The following KCNIP4 variants were observed in gnomAD, a reference collection of about 807,000 sequenced individuals.
The protein encoded by KCNIP4 is potassium voltage-gated channel interacting protein 4, also known as Kv channel-interacting protein 4.
In KCNIP4, 12 loss-of-function variants were observed where a neutral mutation model predicts 34.0. That is an observed-to-expected ratio of 0.35 (90% CI 0.23 to 0.57). The LOEUF (loss-of-function observed/expected upper bound fraction) is 0.57, where lower values mean the gene tolerates loss of function less well. KCNIP4 is among the 20% of genes least tolerant of loss of function. KCNIP4 has a pLI of 0.83. For synonymous variants in KCNIP4, 124 were observed against 102.2 expected (o/e 1.21, Z -1.29); for missense variants, 238 against 311.7 (o/e 0.76, Z 1.78).
At chr4:21,779,227 T>C (rs1719417643) in intron 1 of KCNIP4, among the ~76,000 whole-genome samples, 1 of 152,110 alleles carries the variant, frequency 6.6e-6, no homozygotes. Context: ...AAACTTGCAG[T>C]GGTAATTCTG....
chr4:21,303,889 AAGCCCTTCCAAG>A, intron 1 of KCNIP4: 1 of 1,614,086 alleles, frequency 6.2e-7, no homozygotes, highest in Non-Finnish European at 8.5e-7. Flanking sequence ...CTATCATTTC[AAGCCCTTCCAAG>A]TTCATGGTCA....
intron 1 of KCNIP4, among the ~76,000 whole-genome samples, chr4:21,823,133 T>C (rs73108028): frequency 0.12 from 17,977 of 152,192 alleles, 1,163 homozygotes; most frequent in Middle Eastern, 0.14. Context: ...TCTAATTTAC[T>C]ATTTCTCTCT....
intron 1 of KCNIP4, among the ~76,000 whole-genome samples, chr4:21,425,992 T>A (rs930909834): frequency 4.6e-5 from 7 of 152,098 alleles, no homozygotes; most frequent in African/African-American, 1.7e-4. Flanking sequence ...AGGGAGAGGT[T>A]GCAGTGAGCT....
At chr4:20,744,755 C>T (rs2149319239) in intron 5 of KCNIP4, among the ~76,000 whole-genome samples, 1 of 152,012 alleles carries the variant, frequency 6.6e-6, no homozygotes, top group African/African-American at 2.4e-5. Context: ...TACCCTAGAA[C>T]TTAAAGAATA....
In KCNIP4 at chr4:20,730,799, T is replaced by A. The variant is rs573886704; in HGVS notation, c.706-670A>T. On this transcript the variant is annotated intron_variant, in intron 8 of 8. Transcript: ENST00000382152. ...TTAGGGGACAGACTTTGGGCATTATTGGAGCACTTGTCAGTTGCATGTGAA... is the reference window on the plus strand; with the variant it reads ...TTAGGGGACAGACTTTGGGCATTATAGGAGCACTTGTCAGTTGCATGTGAA... 4.3e-3 allele frequency among the ~76,000 whole-genome samples: 648 copies of A among 152,278 alleles called. 6 individuals are homozygous for A. Among genetic ancestry groups the A allele is most frequent in the African/African-American group, 0.014 (599 of 41,558 alleles).
intron 1 of KCNIP4, among the ~76,000 whole-genome samples, chr4:21,657,622 T>C (rs769054162): frequency 1.3e-5 from 2 of 152,212 alleles, no homozygotes; most frequent in Non-Finnish European, 2.9e-5. Flanking sequence ...TGTATCAAAG[T>C]AGAAAAGCAC....
intron 1 of KCNIP4, among the ~76,000 whole-genome samples, chr4:21,407,924 C>A (rs1420578623): frequency 6.6e-6 from 1 of 152,144 alleles, no homozygotes; most frequent in African/African-American, 2.4e-5. Flanking sequence ...TAAATTTGCT[C>A]ATGCATTGCA....
chr4:21,049,152 G>A (rs1031380924), intron 1 of KCNIP4, among the ~76,000 whole-genome samples: 54 of 151,034 alleles, frequency 3.6e-4, no homozygotes, highest in African/African-American at 1.3e-3. Flanking sequence ...GGGTTTCACC[G>A]TGTTAGCCAG....
At chr4:21,920,853 A>G (rs1728898455) in intron 1 of KCNIP4, among the ~76,000 whole-genome samples, 1 of 149,166 alleles carries the variant, frequency 6.7e-6, no homozygotes, top group Non-Finnish European at 1.5e-5. Flanking sequence ...AAACCTGTTA[A>G]GAAGTGCACT....
At chr4:21,432,481 T>C (rs907974425) in intron 1 of KCNIP4, among the ~76,000 whole-genome samples, 1 of 152,016 alleles carries the variant, frequency 6.6e-6, no homozygotes, top group Non-Finnish European at 1.5e-5. Flanking sequence ...GAACAAAAAT[T>C]ATGATGTTCA....
intron 1 of KCNIP4, among the ~76,000 whole-genome samples, chr4:21,705,826 T>C (rs927224011): frequency 6.6e-6 from 1 of 152,126 alleles, no homozygotes; most frequent in African/African-American, 2.4e-5. Context: ...CACAAATCAA[T>C]CTGTTTGAAA....
At chr4:20,967,170 GC>G (rs1267582901) in intron 1 of KCNIP4, among the ~76,000 whole-genome samples, 2 of 152,146 alleles carry the variant, frequency 1.3e-5, no homozygotes, top group Admixed American at 6.5e-5. Flanking sequence ...ATGTCTTCTT[GC>G]TCAAAGTATG....
chr4:21,155,533 G>A (rs765570650), intron 1 of KCNIP4, among the ~76,000 whole-genome samples: 11 of 152,138 alleles, frequency 7.2e-5, no homozygotes, highest in African/African-American at 1.2e-4. Flanking sequence ...TGGGAGTGAG[G>A]AGGAGCAGTT....
At chr4:21,196,538 C>T (rs979151563) in intron 1 of KCNIP4, among the ~76,000 whole-genome samples, 1 of 152,190 alleles carries the variant, frequency 6.6e-6, no homozygotes. Context: ...TCAAATTTAT[C>T]TGTGCAAGAC....
At chr4:21,588,894 A>G (rs1245426764) in intron 1 of KCNIP4, among the ~76,000 whole-genome samples, 1 of 151,540 alleles carries the variant, frequency 6.6e-6, no homozygotes, top group African/African-American at 2.4e-5. Flanking sequence ...TTATTCCTCA[A>G]TATTTAAATT....
chr4:21,934,944 T>A (rs1298828051), intron 1 of KCNIP4, among the ~76,000 whole-genome samples: 1 of 152,176 alleles, frequency 6.6e-6, no homozygotes, highest in Non-Finnish European at 1.5e-5. Flanking sequence ...TTGAACTCAA[T>A]GCTTTTGACC....
chr4:21,090,725 C>A (rs1278017237), intron 1 of KCNIP4, among the ~76,000 whole-genome samples: 2 of 151,976 alleles, frequency 1.3e-5, no homozygotes, highest in South Asian at 2.1e-4. Flanking sequence ...CAAATGTGGA[C>A]CTCAATATCA....
intron 1 of KCNIP4, among the ~76,000 whole-genome samples, chr4:21,720,455 A>ATTTTC (rs1226100054): frequency 6.7e-6 from 1 of 149,464 alleles, no homozygotes; most frequent in Non-Finnish European, 1.5e-5. Flanking sequence ...ATTTTGTTTT[A>ATTTTC]TTTTCTTTAT....
At chr4:21,663,121 T>A (rs943150097) in intron 1 of KCNIP4, among the ~76,000 whole-genome samples, 1 of 152,202 alleles carries the variant, frequency 6.6e-6, no homozygotes, top group African/African-American at 2.4e-5. Flanking sequence ...TAATTGTAAA[T>A]CAGTTTTCTA....
Sources: allele counts gnomAD v4.1 joint callset (sites outside exome capture counted in the v4.1 genomes callset), GRCh38; gene constraint gnomAD v4.1.1; transcripts MANE v1.5; gene names NCBI Gene and HGNC (gene_info 2026-07-23, HGNC 2026-07-21).